TMPRSS6: variants seen among roughly 807,000 people sequenced by gnomAD.
The protein encoded by TMPRSS6 is transmembrane serine protease 6.
Under a neutral mutation model 101.5 loss-of-function variants are expected in TMPRSS6, and 67 were observed. The ratio of observed to expected loss-of-function variants is 0.66; its 90% confidence interval spans 0.54 to 0.81. The LOEUF is 0.81. Among genes scored for constraint, TMPRSS6 ranks in the 30% least tolerant of loss-of-function variants. The pLI is 0.00. For missense variants in TMPRSS6, 1,034 were observed against 1,088.7 expected (o/e 0.95, Z 0.71); for synonymous variants, 453 against 464.9 (o/e 0.97, Z 0.33).
In TMPRSS6 at chr22:37,103,642, G is replaced by C. The variant is rs1211388147; in HGVS notation, c.-1-224C>G. The C allele has an allele frequency of 6.4e-7, 1 of 1,561,208 alleles. No individual in the cohort carries two copies. The highest frequency in any genetic ancestry group is 2.2e-5 in the East Asian group (1 of 44,650). Reference sequence around the variant, plus strand: ...AGGGCAGGCACCAGAGCTGGACTGGGTCTGGCTCAAGAACCCCACCTTTGC... The same window carrying C: ...AGGGCAGGCACCAGAGCTGGACTGGCTCTGGCTCAAGAACCCCACCTTTGC... On this transcript the variant is annotated intron_variant, in intron 1 of 17. Transcript: ENST00000676104. The surrounding 1 kb of genome is among the most constrained non-coding windows in gnomAD (Gnocchi z 4.4).
intron 8 of TMPRSS6, 78 bp from the exon 9 acceptor site, chr22:37,084,917 C>A (rs1401228894): frequency 3.0e-6 from 3 of 1,002,496 alleles, no homozygotes; most frequent in Non-Finnish European, 4.6e-6. Context: ...TGTAACCCCA[C>A]CACCCCTACC....
Position 37,066,077 on chromosome 22 carries a change from T to C in TMPRSS6, c.*3A>G. 6.2e-7 allele frequency: 1 copy of C among 1,613,492 alleles called. No individual in the cohort carries two copies. The highest frequency in any genetic ancestry group is 8.5e-7 in the Non-Finnish European group (1 of 1,179,970). On this transcript the variant is annotated 3_prime_UTR_variant, in exon 18 of 18. Coordinates refer to ENST00000676104, the MANE Select transcript of TMPRSS6 (RefSeq NM_001374504.1). ...GGGCCCTGCTTTGCAGGGGGGCAGT[T>C]CCTCAGGTCACCACTTGCTGGATCC...
At chr22:37,072,994 GGAT>G (rs1927256534) in intron 13 of TMPRSS6, among the ~76,000 whole-genome samples, 1 of 150,990 alleles carries the variant, frequency 6.6e-6, no homozygotes, top group Non-Finnish European at 1.5e-5. Context: ...ATGGATAGAT[GGAT>G]GATGGATGGA....
intron 14 of TMPRSS6, 31 bp from the exon 15 acceptor site, chr22:37,070,683 A>AGAG: frequency 1.2e-6 from 2 of 1,603,060 alleles, no homozygotes; most frequent in Non-Finnish European, 1.7e-6. Flanking sequence ...TGGGGTGGAC[A>AGAG]GAGGAGGAGG....
intron 10 of TMPRSS6, among the ~76,000 whole-genome samples, chr22:37,078,535 G>C (rs1306487011): frequency 1.3e-5 from 2 of 152,152 alleles, no homozygotes; most frequent in Admixed American, 6.6e-5. Flanking sequence ...GCGCCAGAGA[G>C]GAATTCAAGG....
chr22:37,066,027 C>T lies in TMPRSS6; in HGVS notation c.*53G>A. ...ACTTGTCCCCCTGCTTGGCAGTTGC[C>T]CTGGGCTCTCTGAGTCCAGGAGGTG... On this transcript the variant is annotated 3_prime_UTR_variant, in exon 18 of 18. Coordinates refer to ENST00000676104, the MANE Select transcript of TMPRSS6 (RefSeq NM_001374504.1). 1 of 1,612,022 alleles carries T rather than the reference C, an allele frequency of 6.2e-7. No homozygotes were observed. The highest frequency in any genetic ancestry group is 1.1e-5 in the South Asian group (1 of 91,002).
chr22:37,066,333 T>C, intron 17 of TMPRSS6, 95 bp from the exon 18 acceptor site: 1 of 1,263,192 alleles, frequency 7.9e-7, no homozygotes, highest in Non-Finnish European at 1.1e-6. Context: ...CTGTTGGGAA[T>C]TGACTGGGTG....
intron 10 of TMPRSS6, among the ~76,000 whole-genome samples, chr22:37,078,464 C>T (rs1360946207): frequency 1.3e-5 from 2 of 152,172 alleles, no homozygotes; most frequent in African/African-American, 4.8e-5. Flanking sequence ...GGTTCTCACT[C>T]TGGAGGCCTG....
In TMPRSS6 at chr22:37,075,730, C is replaced by G. The variant is rs1927574073; in HGVS notation, c.1197-450G>C. 2.6e-5 allele frequency among the ~76,000 whole-genome samples: 4 copies of G among 152,248 alleles called. No homozygotes were observed. In the South Asian group the frequency reaches 8.3e-4, roughly 32 times the overall value. On this transcript the variant is annotated intron_variant, in intron 10 of 17. Coordinates refer to ENST00000676104, the MANE Select transcript of TMPRSS6 (RefSeq NM_001374504.1). Reference sequence around the variant, plus strand: ...CCAGACTGACCAACATGGAGAAACCCCGTTGCTACTAAAAATACAAAATTA... The same window carrying G: ...CCAGACTGACCAACATGGAGAAACCGCGTTGCTACTAAAAATACAAAATTA...
At chr22:37,067,863 G>GT (rs2146024484) in intron 16 of TMPRSS6, among the ~76,000 whole-genome samples, 1 of 152,254 alleles carries the variant, frequency 6.6e-6, no homozygotes, top group East Asian at 1.9e-4. Flanking sequence ...CCAAGGCCCT[G>GT]TCTGCCATTC....
At chr22:37,068,361 C>A (rs116191039) in intron 16 of TMPRSS6, among the ~76,000 whole-genome samples, 3 of 152,236 alleles carry the variant, frequency 2.0e-5, no homozygotes, top group African/African-American at 4.8e-5. Flanking sequence ...TGCGGCCCCG[C>A]CTGCTTCCAG....
At chr22:37,078,973 A>AAAGAAAGAAAGAAAG (rs1928005374) in intron 10 of TMPRSS6, among the ~76,000 whole-genome samples, 2 of 106,510 alleles carry the variant, frequency 1.9e-5, no homozygotes, top group South Asian at 3.4e-4. Context: ...GAAAGAAAGA[A>AAAGAAAGAAAGAAAG]AAAGAAAGAA....
chr22:37,100,431 C>T (rs1255793216), intron 2 of TMPRSS6, among the ~76,000 whole-genome samples: 1 of 152,128 alleles, frequency 6.6e-6, no homozygotes, highest in East Asian at 1.9e-4. Flanking sequence ...CAGAGCCTGG[C>T]CCCAGCTGTG....
At chr22:37,072,641 C>CGGATGGATGATGGAT (rs1568999625) in intron 13 of TMPRSS6, among the ~76,000 whole-genome samples, 1 of 42,296 alleles carries the variant, frequency 2.4e-5, no homozygotes, top group African/African-American at 9.0e-5. Flanking sequence ...GGATGATGGA[C>CGGATGGATGATGGAT]GGATGGATGA....
Position 37,103,098 on chromosome 22 carries a change from T to A in TMPRSS6, c.202+118A>T, listed in dbSNP as rs1046308467. On this transcript the variant is annotated intron_variant, in intron 2 of 17. Coordinates refer to ENST00000676104, the MANE Select transcript of TMPRSS6 (RefSeq NM_001374504.1). This position sits in a 1 kb window ranked among gnomAD's most constrained non-coding sequence, Gnocchi z 4.4. The stretch of plus-strand genomic sequence containing the variant: ...GAGAACAGAAGTGACTTGCCCAAGG[T>A]CACACAGCAATATGCTAAGCACGGC... The A allele has an allele frequency of 4.6e-6, 5 of 1,090,930 alleles. No individual in the cohort carries two copies. In the African/African-American group the frequency reaches 7.8e-5, roughly 17 times the overall value. The allele number at this position is 1,090,930 out of a possible 1,614,324, so 67.6% of individuals were successfully genotyped here.
Position 37,069,404 on chromosome 22 carries a change from C to T in TMPRSS6, c.1842-60G>A. On this transcript the variant is annotated intron_variant, in intron 15 of 17. Coordinates refer to ENST00000676104, the MANE Select transcript of TMPRSS6 (RefSeq NM_001374504.1). This position sits in a 1 kb window ranked among gnomAD's most constrained non-coding sequence, Gnocchi z 4.8. ...GGTGAGGTGGGAGGAAGCTGCCTCT[C>T]CCCATCCAGGGACCCTCAAGATAGC... The T allele has an allele frequency of 6.8e-7, 1 of 1,464,954 alleles. No individual in the cohort carries two copies. The highest frequency in any genetic ancestry group is 9.2e-7 in the Non-Finnish European group (1 of 1,089,940). The allele number at this position is 1,464,954 out of a possible 1,614,324, so 90.7% of individuals were successfully genotyped here.
intron 10 of TMPRSS6, chr22:37,082,633 C>A: frequency 4.3e-6 from 1 of 234,642 alleles, no homozygotes; most frequent in South Asian, 4.9e-5. Flanking sequence ...CCCCATCATG[C>A]TACAGAAGCC....
intron 2 of TMPRSS6, among the ~76,000 whole-genome samples, chr22:37,100,883 C>A (rs530202211): frequency 6.6e-6 from 1 of 152,200 alleles, no homozygotes; most frequent in Non-Finnish European, 1.5e-5. Flanking sequence ...GGAAAGGACC[C>A]GGTGGCGGCC....
Position 37,096,704 on chromosome 22 carries a change from G to A in TMPRSS6, c.348C>T (p.Leu116=). The A allele has an allele frequency of 6.4e-7, 1 of 1,563,220 alleles. No homozygotes were observed. ...AAGTTCCCAGGCGGGTGCTGGTGAT[G>A]AGCTCCTTGAGCTGTGAGAAGGGAA... is the stretch of plus-strand genomic sequence containing the variant. ...TAKAQKMLKE[L]ITSTRLGTYY... is the part of the protein sequence containing the mutation. Residue 116 remains leucine, a synonymous_variant, in exon 4 of 18, where the codon CTC becomes CTT. Coordinates refer to ENST00000676104, the MANE Select transcript of TMPRSS6 (RefSeq NM_001374504.1).
Sources: gnomAD v4.1 joint callset for allele counts (sites outside exome capture counted in the v4.1 genomes callset) on GRCh38, gnomAD v4.1.1 for gene constraint, Gnocchi (gnomAD v3.1) non-coding constraint, MANE v1.5 for transcripts, NCBI Gene and HGNC (gene_info 2026-07-23, HGNC 2026-07-21) for gene names.